The following RANBP2 variants were observed in gnomAD, a reference collection of about 807,000 sequenced individuals.
RANBP2 encodes the protein RAN binding protein 2.
In RANBP2, 57 loss-of-function variants were observed where a neutral mutation model predicts 303.6. That is an observed-to-expected ratio of 0.19 (90% confidence interval 0.15 to 0.23). The LOEUF is 0.23. Ranked by LOEUF, RANBP2 falls within the 10% of genes least tolerant of loss-of-function variation. The pLI, the probability that RANBP2 is intolerant of heterozygous loss-of-function variation, is 1.00. For synonymous variants in RANBP2, 1,167 were observed against 1,301.5 expected (o/e 0.90, Z 2.23); for missense variants, 3,138 against 3,780.8 (o/e 0.83, Z 4.46).
the RANBP2 span, among the ~76,000 whole-genome samples, chr2:109,328,964 G>T: frequency 1.1e-4 from 17 of 152,192 alleles, no homozygotes; most frequent in Non-Finnish European, 2.2e-4. Context: ...GCTTGGCCAC[G>T]TCCTTCCTCC....
chr2:108,826,987 A>G, the RANBP2 span, among the ~76,000 whole-genome samples: 1 of 152,176 alleles, frequency 6.6e-6, no homozygotes, highest in Non-Finnish European at 1.5e-5. Context: ...CAGTATTTTT[A>G]TTCTTTTTGA....
the RANBP2 span, among the ~76,000 whole-genome samples, chr2:109,451,861 G>A: frequency 1.3e-5 from 2 of 152,348 alleles, no homozygotes; most frequent in African/African-American, 4.8e-5. Flanking sequence ...CGTAGGCCAC[G>A]CTTGGGGCTG....
the RANBP2 span, among the ~76,000 whole-genome samples, chr2:108,811,506 G>T: frequency 4.6e-5 from 7 of 151,952 alleles, no homozygotes; most frequent in African/African-American, 1.7e-4. Flanking sequence ...CCCTCCCAAA[G>T]TGCTGGGATT....
chr2:109,455,534 C>T, the RANBP2 span, among the ~76,000 whole-genome samples: 10 of 152,042 alleles, frequency 6.6e-5, no homozygotes, highest in African/African-American at 2.4e-4. Flanking sequence ...GTTACTATGG[C>T]ATATACACTC....
chr2:109,617,710 A>C, the RANBP2 span: 1 of 166,956 alleles, frequency 6.0e-6, no homozygotes, highest in African/African-American at 2.4e-5. Flanking sequence ...CTAGATGGTC[A>C]TTGAATTTGT....
chr2:109,406,452 C>T, the RANBP2 span, among the ~76,000 whole-genome samples: 3 of 152,108 alleles, frequency 2.0e-5, no homozygotes, highest in African/African-American at 4.8e-5. Context: ...CCCACGTTCT[C>T]GGAGGCACCA....
chr2:108,844,236 A>G, the RANBP2 span, among the ~76,000 whole-genome samples: 1 of 151,870 alleles, frequency 6.6e-6, no homozygotes, highest in Admixed American at 6.6e-5. Flanking sequence ...ATGTTTTGCT[A>G]TTCCTTGAAG....
chr2:109,157,375 A>G, the RANBP2 span, among the ~76,000 whole-genome samples: 2 of 152,184 alleles, frequency 1.3e-5, no homozygotes, highest in Non-Finnish European at 2.9e-5. Context: ...ATAGACTCCC[A>G]CGTGCCATCC....
the RANBP2 span, among the ~76,000 whole-genome samples, chr2:109,520,739 TG>T: frequency 5.0e-4 from 69 of 138,810 alleles, 3 homozygotes; most frequent in African/African-American, 1.7e-3. Flanking sequence ...GAGACCAGCC[TG>T]GCCAATACGG....
Position 108,737,607 on chromosome 2 carries a change from G to A in RANBP2, c.782+1358G>A, listed in dbSNP as rs1173783443. On this transcript the variant is annotated intron_variant, in intron 6 of 28. Transcript: ENST00000283195. Reference sequence around the variant, plus strand: ...TGCTCTCGCCAGGCTGGCATGCAGTGGTGCAGTCTCGGCTCACTGCAACCT... The same window carrying A: ...TGCTCTCGCCAGGCTGGCATGCAGTAGTGCAGTCTCGGCTCACTGCAACCT... Among the ~76,000 whole-genome samples, 17 of 148,796 alleles carry A rather than the reference G, an allele frequency of 1.1e-4. 1 individual carries two copies. The highest frequency in any genetic ancestry group is 3.4e-4 in the Admixed American group (5 of 14,892).
chr2:109,090,119 A>G, the RANBP2 span, among the ~76,000 whole-genome samples: 3 of 152,278 alleles, frequency 2.0e-5, no homozygotes, highest in African/African-American at 4.8e-5. Context: ...GAGACCACAC[A>G]GAAGAGGAAA....
the RANBP2 span, among the ~76,000 whole-genome samples, chr2:108,929,786 C>T: frequency 6.6e-6 from 1 of 152,162 alleles, no homozygotes; most frequent in Non-Finnish European, 1.5e-5. Flanking sequence ...AGATGCAGCA[C>T]TCAGGAAAAA....
chr2:109,230,021 T>C, the RANBP2 span, among the ~76,000 whole-genome samples: 1 of 151,936 alleles, frequency 6.6e-6, no homozygotes. Context: ...AGACAGGGTT[T>C]CACCATGTTA....
the RANBP2 span, among the ~76,000 whole-genome samples, chr2:109,635,824 G>A: frequency 3.3e-5 from 5 of 152,222 alleles, no homozygotes; most frequent in Non-Finnish European, 7.3e-5. Flanking sequence ...AAGATATGCT[G>A]TCTAACTTTT....
chr2:109,170,431 C>T, the RANBP2 span, among the ~76,000 whole-genome samples: 5 of 151,906 alleles, frequency 3.3e-5, no homozygotes, highest in African/African-American at 7.3e-5. Context: ...CTGCAACCTC[C>T]GCCTCCCGGG....
At chr2:108,885,153 C>T in the RANBP2 span, 1 of 152,150 alleles carries the variant, frequency 6.6e-6, no homozygotes, top group African/African-American at 2.4e-5. Flanking sequence ...TTCACAAACC[C>T]ACCTTTACCC....
the RANBP2 span, among the ~76,000 whole-genome samples, chr2:109,611,766 T>G: frequency 1.3e-5 from 2 of 152,026 alleles, no homozygotes; most frequent in African/African-American, 4.8e-5. Context: ...GAAATCCAAG[T>G]TAAAATCACC....
chr2:109,458,852 T>C, the RANBP2 span, among the ~76,000 whole-genome samples: 3 of 152,218 alleles, frequency 2.0e-5, no homozygotes, highest in Non-Finnish European at 4.4e-5. Context: ...TATTAACACA[T>C]TTGCCAAATG....
At chr2:109,080,302 G>T in the RANBP2 span, among the ~76,000 whole-genome samples, 4 of 152,182 alleles carry the variant, frequency 2.6e-5, no homozygotes, top group Non-Finnish European at 4.4e-5. Context: ...TGGGGTTGAG[G>T]CTGGGAAGTG....
Sources: allele counts gnomAD v4.1 joint callset (sites outside exome capture counted in the v4.1 genomes callset), GRCh38; gene constraint gnomAD v4.1.1; transcripts MANE v1.5; gene names NCBI Gene and HGNC (gene_info 2026-07-23, HGNC 2026-07-21).